Variants in ARHGEF10L observed in about 807,000 individuals in gnomAD.
The protein encoded by ARHGEF10L is rho guanine nucleotide exchange factor 10-like protein.
In ARHGEF10L, 69 loss-of-function variants were observed where a neutral mutation model predicts 141.2. The observed-to-expected ratio is 0.49, with a 90% CI of 0.40 to 0.60. The LOEUF (loss-of-function observed/expected upper bound fraction) is 0.60, where lower values mean the gene tolerates loss of function less well. ARHGEF10L is among the 20% of genes least tolerant of loss of function. The pLI is 0.00. For missense variants in ARHGEF10L, 1,482 were observed against 1,734.3 expected, an observed-to-expected ratio of 0.85 and a Z score of 2.58; for synonymous variants, 711 against 718.5, an observed-to-expected ratio of 0.99 and a Z score of 0.17.
At chr1:17,517,272 A>C in the ARHGEF10L span, among the ~76,000 whole-genome samples, 1 of 152,196 alleles carries the variant, frequency 6.6e-6, no homozygotes, top group African/African-American at 2.4e-5. Context: ...TCTTTATAAA[A>C]AAGGGGAAAT....
At chr1:17,554,136 C>T (rs944969787) in intron 1 of ARHGEF10L, among the ~76,000 whole-genome samples, 2 of 152,148 alleles carry the variant, frequency 1.3e-5, no homozygotes, top group African/African-American at 2.4e-5. Flanking sequence ...CCCGTTCTCC[C>T]GGGCCCTAGA....
chr1:17,667,064 G>T (rs1405332048), intron 26 of ARHGEF10L, among the ~76,000 whole-genome samples: 1 of 152,218 alleles, frequency 6.6e-6, no homozygotes, highest in East Asian at 1.9e-4. Flanking sequence ...CTCACAGCAG[G>T]TCTGACTGCT....
At chr1:17,651,491 C>T (rs747152989) in intron 22 of ARHGEF10L, among the ~76,000 whole-genome samples, 3 of 152,160 alleles carry the variant, frequency 2.0e-5, no homozygotes, top group Admixed American at 1.3e-4. Flanking sequence ...TCCTGTCTCC[C>T]CCAGGGCCTT....
chr1:17,678,480 C>T (rs920131644), intron 26 of ARHGEF10L, among the ~76,000 whole-genome samples: 4 of 140,278 alleles, frequency 2.9e-5, no homozygotes, highest in Non-Finnish European at 4.5e-5. Flanking sequence ...AGTGCAATGG[C>T]GTGATCTCGG....
the ARHGEF10L span, among the ~76,000 whole-genome samples, chr1:17,520,251 G>A: frequency 3.3e-5 from 5 of 152,222 alleles, no homozygotes; most frequent in South Asian, 8.3e-4. Context: ...CCTGCTTACC[G>A]CCCTTGCCCG....
intron 4 of ARHGEF10L, among the ~76,000 whole-genome samples, chr1:17,600,816 G>A (rs1392238040): frequency 1.3e-5 from 2 of 152,052 alleles, no homozygotes; most frequent in Non-Finnish European, 2.9e-5. Flanking sequence ...TTGGGAGGCT[G>A]AGGTGGGTGG....
the ARHGEF10L span, among the ~76,000 whole-genome samples, chr1:17,527,865 CTTTTCTTTT>C: frequency 8.6e-6 from 1 of 115,632 alleles, no homozygotes; most frequent in Non-Finnish European, 1.8e-5. Context: ...TTCTTTCTTT[CTTTTCTTTT>C]TTTTTTTTTT....
At chr1:17,579,097 T>C (rs1157391784) in intron 1 of ARHGEF10L, among the ~76,000 whole-genome samples, 1 of 152,176 alleles carries the variant, frequency 6.6e-6, no homozygotes, top group Admixed American at 6.5e-5. Flanking sequence ...CTTGGCTCAC[T>C]GCAACCTCCG....
At chr1:17,520,183 G>A in the ARHGEF10L span, among the ~76,000 whole-genome samples, 15 of 152,182 alleles carry the variant, frequency 9.9e-5, no homozygotes, top group East Asian at 1.9e-4. Flanking sequence ...GCTCAGCCCC[G>A]GCTGGCTTGA....
chr1:17,632,219 C>A, intron 15 of ARHGEF10L, 102 bp from the exon 16 acceptor site: 1 of 1,470,700 alleles, frequency 6.8e-7, no homozygotes, highest in African/African-American at 1.4e-5. Flanking sequence ...CCTCTCCCAG[C>A]CTCAGTCTCC....
rs1185549625 is a variant in ARHGEF10L, at chr1:17,625,131, C to T, written c.1317+628C>T. Among the ~76,000 whole-genome samples, 1 of 152,212 alleles carries T rather than the reference C, an allele frequency of 6.6e-6. No individual in the cohort carries two copies. Among genetic ancestry groups the T allele is most frequent in the East Asian group, 1.9e-4 (1 of 5,184 alleles). The stretch of plus-strand genomic sequence containing the variant: ...GGCCTCAGTGGAGGAACCCACTGTC[C>T]CCATCAAAGAGAACAGGGGATCAGG... On this transcript the variant is annotated intron_variant, in intron 13 of 28. Transcript: ENST00000361221. The surrounding 1 kb of genome is among the most constrained non-coding windows in gnomAD (Gnocchi z 4.5).
chr1:17,595,751 C>A (rs576524190), intron 4 of ARHGEF10L, among the ~76,000 whole-genome samples: 1 of 152,232 alleles, frequency 6.6e-6, no homozygotes, highest in African/African-American at 2.4e-5. Flanking sequence ...GGGGAAGCAG[C>A]ACACACGAGG....
chr1:17,642,955 C>T (rs559330507), intron 21 of ARHGEF10L, among the ~76,000 whole-genome samples: 58 of 152,298 alleles, frequency 3.8e-4, no homozygotes, highest in African/African-American at 8.7e-4. Flanking sequence ...GGATGGGAGA[C>T]GGTGATTCGG....
At chr1:17,586,836 T>C (rs556834690) in intron 2 of ARHGEF10L, among the ~76,000 whole-genome samples, 1 of 152,060 alleles carries the variant, frequency 6.6e-6, no homozygotes, top group East Asian at 1.9e-4. Flanking sequence ...CAGGAGTTCA[T>C]AGTCACGAAA....
At position 17,639,727 on chromosome 1, in the gene ARHGEF10L, C is replaced by A; in HGVS notation, c.2172-475C>A. On this transcript the variant is annotated intron_variant, in intron 20 of 28. Coordinates refer to ENST00000361221, the MANE Select transcript of ARHGEF10L (RefSeq NM_018125.4). The surrounding 1 kb of genome is among the most constrained non-coding windows in gnomAD (Gnocchi z 4.3). ...AAGCTGGTGCTTAACCTGATTCATT[C>A]ATTTCTTCATTCATTCCTGTGTCCA... 1 of 711,956 alleles carries A rather than the reference C, an allele frequency of 1.4e-6. No homozygotes were observed. Among genetic ancestry groups the A allele is most frequent in the Non-Finnish European group, 2.2e-6 (1 of 464,098 alleles). The allele number at this position is 711,956 out of a possible 1,614,324, so 44.1% of individuals were successfully genotyped here.
intron 27 of ARHGEF10L, among the ~76,000 whole-genome samples, chr1:17,687,979 C>T (rs541820124): frequency 1.6e-4 from 25 of 152,318 alleles, no homozygotes; most frequent in Admixed American, 3.9e-4. Flanking sequence ...CAGCCTGGGG[C>T]GCTCAGGAAA....
chr1:17,556,497 A>G (rs2077332530), intron 1 of ARHGEF10L, among the ~76,000 whole-genome samples: 1 of 152,160 alleles, frequency 6.6e-6, no homozygotes, highest in South Asian at 2.1e-4. Context: ...AGGAATAGGT[A>G]CATTTCGTAC....
intron 9 of ARHGEF10L, chr1:17,618,497 C>T: frequency 6.9e-7 from 1 of 1,457,652 alleles, no homozygotes; most frequent in Non-Finnish European, 9.1e-7. Context: ...GTCCCTCCTC[C>T]TCCTCCTCCT....
upstream of ARHGEF10L, among the ~76,000 whole-genome samples, chr1:17,536,951 C>A (rs1479145266): frequency 6.6e-6 from 1 of 152,082 alleles, no homozygotes; most frequent in Non-Finnish European, 1.5e-5. Flanking sequence ...CTCACTGCAG[C>A]CTCAAACTCC....
Sources: allele counts gnomAD v4.1 joint callset (sites outside exome capture counted in the v4.1 genomes callset), GRCh38; gene constraint gnomAD v4.1.1; non-coding constraint Gnocchi (gnomAD v3.1); transcripts MANE v1.5; gene names NCBI Gene and HGNC (gene_info 2026-07-23, HGNC 2026-07-21).